Variants in PPARGC1A observed in about 807,000 individuals in gnomAD.
PPARGC1A encodes PPARG coactivator 1 alpha.
In PPARGC1A, 25 loss-of-function variants were observed where a neutral mutation model predicts 88.7. The observed-to-expected ratio is 0.28, with a 90% CI of 0.21 to 0.39. The LOEUF (loss-of-function observed/expected upper bound fraction) is 0.39, where lower values mean the gene tolerates loss of function less well. PPARGC1A is among the 10% of genes least tolerant of loss of function. The pLI is 1.00. For missense variants in PPARGC1A, 880 were observed against 968.7 expected (o/e 0.91, Z 1.22); for synonymous variants, 363 against 355.6 (o/e 1.02, Z -0.24).
chr4:23,985,873 T>C, the PPARGC1A span, among the ~76,000 whole-genome samples: 3 of 152,080 alleles, frequency 2.0e-5, no homozygotes, highest in African/African-American at 7.2e-5. Flanking sequence ...AAAATTATGG[T>C]ACACAATGGT....
the PPARGC1A span, among the ~76,000 whole-genome samples, chr4:24,250,545 A>G: frequency 2.0e-5 from 3 of 152,206 alleles, no homozygotes; most frequent in African/African-American, 4.8e-5. Flanking sequence ...TTTTGGGGGC[A>G]TGCACTCTTT....
the PPARGC1A span, among the ~76,000 whole-genome samples, chr4:24,355,349 CA>C: frequency 3.9e-5 from 6 of 152,130 alleles, no homozygotes; most frequent in East Asian, 1.2e-3. Context: ...ACAAAAAAGG[CA>C]AGAATGGCTG....
At chr4:24,161,578 A>G in the PPARGC1A span, among the ~76,000 whole-genome samples, 1 of 152,118 alleles carries the variant, frequency 6.6e-6, no homozygotes, top group African/African-American at 2.4e-5. Flanking sequence ...CTATGAGGGA[A>G]TTACTAGAAA....
chr4:24,156,980 A>G, the PPARGC1A span, among the ~76,000 whole-genome samples: 3 of 152,114 alleles, frequency 2.0e-5, no homozygotes, highest in Non-Finnish European at 4.4e-5. Context: ...TCCCTTCGCT[A>G]CTTTGATACA....
chr4:23,843,042 T>C (rs1476012770), intron 2 of PPARGC1A, among the ~76,000 whole-genome samples: 1 of 152,136 alleles, frequency 6.6e-6, no homozygotes, highest in Non-Finnish European at 1.5e-5. Context: ...GCATATTGGT[T>C]ATTCACTTCC....
chr4:23,872,485 C>T (rs1713603230), intron 2 of PPARGC1A, among the ~76,000 whole-genome samples: 1 of 152,150 alleles, frequency 6.6e-6, no homozygotes, highest in Non-Finnish European at 1.5e-5. Context: ...TAGAATATTC[C>T]TCTAGCTAGG....
At chr4:24,416,923 C>T in the PPARGC1A span, among the ~76,000 whole-genome samples, 4 of 151,574 alleles carry the variant, frequency 2.6e-5, no homozygotes, top group African/African-American at 4.8e-5. Flanking sequence ...CCCAGCTACT[C>T]GGGAGGCTGA....
At chr4:23,857,310 T>A (rs1730344760) in intron 2 of PPARGC1A, among the ~76,000 whole-genome samples, 1 of 149,526 alleles carries the variant, frequency 6.7e-6, no homozygotes, top group Non-Finnish European at 1.5e-5. Context: ...GGACTCGCCT[T>A]TGGCAAATAA....
chr4:23,812,512 T>C (rs1250229195), intron 10 of PPARGC1A, among the ~76,000 whole-genome samples: 3 of 152,274 alleles, frequency 2.0e-5, no homozygotes, highest in Middle Eastern at 3.4e-3. Flanking sequence ...AAAACAGTAA[T>C]GAACTTCAAA....
chr4:24,335,745 G>T, the PPARGC1A span, among the ~76,000 whole-genome samples: 6 of 152,260 alleles, frequency 3.9e-5, no homozygotes, highest in Middle Eastern at 3.4e-3. Context: ...ATCACCCAGG[G>T]CCAAGGCTCC....
chr4:24,464,312 T>A, the PPARGC1A span, among the ~76,000 whole-genome samples: 1 of 152,282 alleles, frequency 6.6e-6, no homozygotes, highest in Admixed American at 6.5e-5. Flanking sequence ...TTTATGTGGT[T>A]GTTCTCATCC....
the PPARGC1A span, among the ~76,000 whole-genome samples, chr4:24,341,067 A>G: frequency 6.6e-6 from 1 of 152,190 alleles, no homozygotes; most frequent in Non-Finnish European, 1.5e-5. Flanking sequence ...TGCTATTACA[A>G]AGATTAAAGA....
the PPARGC1A span, among the ~76,000 whole-genome samples, chr4:24,380,793 G>C: frequency 6.6e-6 from 1 of 151,966 alleles, no homozygotes; most frequent in African/African-American, 2.4e-5. Context: ...TTTCTAGACT[G>C]GGTAATTGAC....
intron 2 of PPARGC1A, 136 bp from the exon 3 acceptor site, chr4:23,831,887 C>A: frequency 4.4e-6 from 3 of 675,056 alleles, no homozygotes; most frequent in Admixed American, 2.5e-5. Flanking sequence ...AAGATCATGT[C>A]TTTCTCAAAC....
the PPARGC1A span, among the ~76,000 whole-genome samples, chr4:24,314,165 T>C: frequency 2.0e-5 from 3 of 152,202 alleles, no homozygotes; most frequent in Non-Finnish European, 2.9e-5. Context: ...ATGGGATGGC[T>C]CTAGAGAGAT....
chr4:23,906,516 G>C (rs528799644), upstream of PPARGC1A, among the ~76,000 whole-genome samples: 17 of 151,020 alleles, frequency 1.1e-4, no homozygotes, highest in African/African-American at 3.2e-4. Context: ...AGGAGACTGA[G>C]GCAGGAGAAG....
the PPARGC1A span, among the ~76,000 whole-genome samples, chr4:23,996,306 C>T: frequency 6.6e-6 from 1 of 152,204 alleles, no homozygotes; most frequent in African/African-American, 2.4e-5. Context: ...GATCCCAATT[C>T]AGGTATGATG....
the PPARGC1A span, among the ~76,000 whole-genome samples, chr4:24,178,607 T>C: frequency 5.6e-4 from 85 of 152,344 alleles, no homozygotes; most frequent in African/African-American, 1.9e-3. Context: ...AAAGAGACTG[T>C]CCGTTTCTAC....
chr4:24,057,957 C>T, the PPARGC1A span, among the ~76,000 whole-genome samples: 2 of 152,108 alleles, frequency 1.3e-5, no homozygotes, highest in Non-Finnish European at 2.9e-5. Context: ...TGAGCATGCT[C>T]ATGCATGGGA....
Sources: gnomAD v4.1 joint callset for allele counts (sites outside exome capture counted in the v4.1 genomes callset) on GRCh38, gnomAD v4.1.1 for gene constraint, MANE v1.5 for transcripts, NCBI Gene and HGNC (gene_info 2026-07-23, HGNC 2026-07-21) for gene names.